The following CMKLR2 variants were observed in gnomAD, a reference collection of about 807,000 sequenced individuals.
CMKLR2 encodes the protein chemerin-like receptor 2.
CMKLR2 carries 18 observed loss-of-function variants against 23.0 expected under a neutral mutation model. The observed-to-expected ratio is 0.78, with a 90% confidence interval of 0.54 to 1.16. The LOEUF is 1.16. Ranked by LOEUF, CMKLR2 falls within the 50% of genes most tolerant of loss-of-function variation. The pLI, the probability that CMKLR2 is intolerant of heterozygous loss-of-function variation, is 0.00. For synonymous variants in CMKLR2, 158 were observed against 158.9 expected (o/e 0.99, Z 0.05); for missense variants, 401 against 412.7 (o/e 0.97, Z 0.25).
chr2:206,193,505 G>A lies in CMKLR2; in HGVS notation c.-28-16230C>T, dbSNP rs376858125. Reference sequence around the variant, plus strand: ...ACAGGACTTCTGTAACTTTACATTTGTAGGGCATGTGACTGGACAACTGTT... The same window carrying A: ...ACAGGACTTCTGTAACTTTACATTTATAGGGCATGTGACTGGACAACTGTT... On this transcript the variant is annotated intron_variant, in intron 1 of 1. Coordinates refer to ENST00000621141, the MANE Select transcript of CMKLR2 (RefSeq NM_001389445.1). 1.4e-3 allele frequency among the ~76,000 whole-genome samples: 220 copies of A among 152,304 alleles called. 9 individuals are homozygous for A. In the South Asian group the frequency reaches 0.044, roughly 31 times the overall value.
chr2:206,176,594 A>G lies in CMKLR2; in HGVS notation c.654T>C (p.Pro218=). The change falls in exon 2 of 2, where the codon CCT becomes CCC. Residue 218 remains proline (P), a synonymous_variant. Transcript: ENST00000621141. ...AGTAGCAAATACTCATTGTTAGCAAAGGGAAGAGATAGCCAATGATAAATT... is the reference window on the plus strand; with the variant it reads ...AGTAGCAAATACTCATTGTTAGCAAGGGGAAGAGATAGCCAATGATAAATT... ...WVKFIIGYLF[P]LLTMSICYLC... is the part of the protein sequence containing the mutation. 2 of 1,614,168 alleles carry G rather than the reference A, an allele frequency of 1.2e-6. No individual in the cohort carries two copies. The highest frequency in any genetic ancestry group is 1.7e-6 in the Non-Finnish European group (2 of 1,180,046).
chr2:206,179,055 CTTTTTTTTTTTTTTT>C (rs71034421), intron 1 of CMKLR2, among the ~76,000 whole-genome samples: 8 of 49,352 alleles, frequency 1.6e-4, no homozygotes, highest in East Asian at 9.8e-4. Context: ...CTCCCTGTCC[CTTTTTTTTTTTTTTT>C]TTTTTTTTTT....
intron 1 of CMKLR2, among the ~76,000 whole-genome samples, chr2:206,180,722 CTG>C (rs1688382380): frequency 7.7e-6 from 1 of 130,438 alleles, no homozygotes; most frequent in Non-Finnish European, 1.7e-5. Flanking sequence ...GAGTGAGTAA[CTG>C]TGCCCAGCCC....
intron 1 of CMKLR2, among the ~76,000 whole-genome samples, chr2:206,190,874 A>G (rs1298379084): frequency 6.6e-6 from 1 of 152,224 alleles, no homozygotes; most frequent in Non-Finnish European, 1.5e-5. Context: ...TGAAAAGAGA[A>G]CACAGCACAT....
chr2:206,217,613 C>A (rs755167852), upstream of CMKLR2: 1 of 152,178 alleles, frequency 6.6e-6, no homozygotes, highest in Non-Finnish European at 1.5e-5. Context: ...GTTCTAATTA[C>A]CTGTAGAAAT....
At chr2:206,198,587 T>C (rs1574320264) in intron 1 of CMKLR2, among the ~76,000 whole-genome samples, 1 of 152,128 alleles carries the variant, frequency 6.6e-6, no homozygotes, top group African/African-American at 2.4e-5. Context: ...CAGTAAATGG[T>C]TTTTTGCACA....
At chr2:206,181,932 CAA>C (rs1491578522) in intron 1 of CMKLR2, among the ~76,000 whole-genome samples, 4 of 67,650 alleles carry the variant, frequency 5.9e-5, no homozygotes, top group African/African-American at 2.5e-4. Context: ...GCCTGGGTAA[CAA>C]GAGCAAAACT....
rs549568868 is a variant in CMKLR2, at chr2:206,184,645, T to C, written c.-28-7370A>G. ...AGTCTGAGGTAATGGGGGTTAGGAC[T>C]TCAACATATCTTTTTTTTGGTGGGG... On this transcript the variant is annotated intron_variant, in intron 1 of 1. Transcript: ENST00000621141. Among the ~76,000 whole-genome samples, 6 of 152,210 alleles carry C rather than the reference T, an allele frequency of 3.9e-5. No homozygotes were observed. The East Asian group carries it at 1.2e-3, about 29-fold the overall frequency.
chr2:206,185,563 A>G (rs1020329077), intron 1 of CMKLR2, among the ~76,000 whole-genome samples: 3 of 152,218 alleles, frequency 2.0e-5, no homozygotes, highest in Non-Finnish European at 4.4e-5. Context: ...CAGCCTTTGA[A>G]TGATTTTCGC....
At chr2:206,183,630 C>G (rs1416525583) in intron 1 of CMKLR2, among the ~76,000 whole-genome samples, 3 of 152,164 alleles carry the variant, frequency 2.0e-5, no homozygotes, top group Non-Finnish European at 4.4e-5. Context: ...CTGGTTGATG[C>G]TCACCTGAAT....
chr2:206,209,044 G>A (rs368129695), intron 1 of CMKLR2, among the ~76,000 whole-genome samples: 7 of 152,074 alleles, frequency 4.6e-5, no homozygotes. Context: ...GATCAAAAAT[G>A]GTCAAGGTCA....
chr2:206,198,538 C>T (rs944800030), intron 1 of CMKLR2, among the ~76,000 whole-genome samples: 11 of 152,292 alleles, frequency 7.2e-5, no homozygotes, highest in East Asian at 1.9e-4. Flanking sequence ...GCACCAAATC[C>T]GGTCCCTTGC....
At chr2:206,201,466 G>A (rs1689093304) in intron 1 of CMKLR2, among the ~76,000 whole-genome samples, 1 of 152,114 alleles carries the variant, frequency 6.6e-6, no homozygotes, top group Admixed American at 6.6e-5. Flanking sequence ...AGTAAATGTA[G>A]TGTACCCCAG....
rs956811879 is a variant in CMKLR2, at chr2:206,176,822, A to G, written c.426T>C (p.Pro142=). 10 of 1,614,076 alleles carry G rather than the reference A, an allele frequency of 6.2e-6. No homozygotes were observed. Among genetic ancestry groups the G allele is most frequent in the African/African-American group, 1.3e-5 (1 of 74,936 alleles). The stretch of plus-strand genomic sequence containing the variant: ...GGGTTCGATGCCGATGAGATAAGAC[A>G]GGATGGATCAAGTGGATATAGTGGT... The part of the protein sequence containing the change: ...SLDHYIHLIH[P]VLSHRHRTLK... Residue 142 remains proline (P), a synonymous_variant, in exon 2 of 2, where the codon CCT becomes CCC. Coordinates refer to ENST00000621141, the MANE Select transcript of CMKLR2 (RefSeq NM_001389445.1).
chr2:206,184,300 CTTT>C (rs752263495), intron 1 of CMKLR2, among the ~76,000 whole-genome samples: 2 of 142,468 alleles, frequency 1.4e-5, no homozygotes, highest in South Asian at 2.3e-4. Context: ...CTCTCTCTCT[CTTT>C]TTTTTTTTTT....
chr2:206,189,639 G>GAAAAA (rs559698014), intron 1 of CMKLR2, among the ~76,000 whole-genome samples: 2 of 111,902 alleles, frequency 1.8e-5, no homozygotes, highest in Non-Finnish European at 2.0e-5. Context: ...CATCTAAAAA[G>GAAAAA]AAAAAAAAAA....
At chr2:206,201,295 G>A (rs886958714) in intron 1 of CMKLR2, among the ~76,000 whole-genome samples, 3 of 152,180 alleles carry the variant, frequency 2.0e-5, no homozygotes, top group Non-Finnish European at 4.4e-5. Flanking sequence ...GCCATGCAAA[G>A]CAAATAATCT....
At chr2:206,211,619 T>C (rs1322565261) in intron 1 of CMKLR2, among the ~76,000 whole-genome samples, 2 of 152,072 alleles carry the variant, frequency 1.3e-5, no homozygotes, top group Non-Finnish European at 2.9e-5. Context: ...AAAACTATCA[T>C]ATCACCAGTC....
chr2:206,185,913 T>C (rs1688563003), intron 1 of CMKLR2, among the ~76,000 whole-genome samples: 1 of 152,112 alleles, frequency 6.6e-6, no homozygotes, highest in South Asian at 2.1e-4. Context: ...AGAATATAGA[T>C]GCAGTGATGA....
Sources: gnomAD v4.1 joint callset for allele counts (sites outside exome capture counted in the v4.1 genomes callset) on GRCh38, gnomAD v4.1.1 for gene constraint, MANE v1.5 for transcripts, NCBI Gene and HGNC (gene_info 2026-07-23, HGNC 2026-07-21) for gene names.